The following NPC1 variants were observed in gnomAD, a reference collection of about 807,000 sequenced individuals.
NPC1 encodes the protein NPC intracellular cholesterol transporter 1, also known as Niemann-Pick C1 protein.
In NPC1, 85 loss-of-function variants were observed where a neutral mutation model predicts 140.4. The observed-to-expected ratio is 0.61, with a 90% CI of 0.51 to 0.72. NPC1 has a LOEUF of 0.72. Among genes scored for constraint, NPC1 ranks in the 30% least tolerant of loss-of-function variants. The pLI is 0.00. For missense variants in NPC1, 1,504 were observed against 1,623.8 expected, an observed-to-expected ratio of 0.93 and a Z score of 1.27; for synonymous variants, 656 against 624.8, an observed-to-expected ratio of 1.05 and a Z score of -0.74.
chr18:23,530,258 C>G, downstream of NPC1: 2 of 1,614,218 alleles, frequency 1.2e-6, no homozygotes, highest in Non-Finnish European at 1.7e-6. Flanking sequence ...TAGAGAGTTT[C>G]TATCCTCCTG....
chr18:23,540,999 G>T, intron 16 of NPC1, 69 bp downstream of exon 16: 1 of 1,553,330 alleles, frequency 6.4e-7, no homozygotes, highest in Non-Finnish European at 8.9e-7. Flanking sequence ...AGGCTGTCTG[G>T]CTTCTTAGAA....
At chr18:23,586,159 C>T (rs1005415260) in intron 1 of NPC1, 128 bp downstream of exon 1, 2 of 975,836 alleles carry the variant, frequency 2.0e-6, no homozygotes, top group Non-Finnish European at 3.0e-6. Flanking sequence ...GAGGAACCTC[C>T]GAGCTCTCCA....
chr18:23,566,418 C>T (rs2059124346), intron 4 of NPC1, among the ~76,000 whole-genome samples: 1 of 151,932 alleles, frequency 6.6e-6, no homozygotes, highest in Admixed American at 6.6e-5. Context: ...GAACAACTGG[C>T]TATGGCATAA....
chr18:23,522,515 G>A (rs931330017), exon 2 of NPC1: 4 of 152,192 alleles, frequency 2.6e-5, no homozygotes, highest in African/African-American at 9.7e-5. Context: ...TATTGTTAGT[G>A]TTAGTGTATT....
At chr18:23,526,607 C>T (rs1265004175), downstream of NPC1, 1 of 1,610,576 alleles carries the variant, frequency 6.2e-7, no homozygotes, top group Non-Finnish European at 8.5e-7. Flanking sequence ...TTGCATCATA[C>T]TGTTTTATTT....
downstream of NPC1, among the ~76,000 whole-genome samples, chr18:23,527,563 G>C (rs1040796403): frequency 1.4e-5 from 2 of 143,830 alleles, no homozygotes; most frequent in Admixed American, 1.4e-4. Context: ...TTATAGGCAT[G>C]TGCCACTGAG....
At chr18:23,522,079 A>G (rs1046877406), downstream of NPC1, among the ~76,000 whole-genome samples, 19 of 152,250 alleles carry the variant, frequency 1.2e-4, no homozygotes, top group African/African-American at 4.3e-4. Context: ...TCAGAATCGC[A>G]CTCTGGCTGA....
chr18:23,567,908 T>G (rs978578651), intron 4 of NPC1, among the ~76,000 whole-genome samples: 1 of 152,236 alleles, frequency 6.6e-6, no homozygotes, highest in Non-Finnish European at 1.5e-5. Flanking sequence ...GGTAGTTTAC[T>G]GTTCAAATTT....
In NPC1 at chr18:23,539,915, G is replaced by A. The variant is rs751259112; in HGVS notation, c.2691C>T (p.His897=). The A allele has an allele frequency of 1.4e-5, 23 of 1,614,106 alleles. No individual in the cohort carries two copies. Among genetic ancestry groups the A allele is most frequent in the Non-Finnish European group, 1.7e-5 (20 of 1,179,996 alleles). Residue 897 remains histidine (H), a synonymous_variant, in exon 18 of 25, where the codon CAC becomes CAT. Transcript: ENST00000269228. ...TCTGCCCCTTGGAAGAAGTGTAGTC[G>A]TGCCCTTCCTCCAGGACAAAGTACA... ...PPVYFVLEEG[H]DYTSSKGQNM... is the part of the protein sequence containing the mutation.
chr18:23,521,446 G>A (rs2058138547), downstream of NPC1, among the ~76,000 whole-genome samples: 2 of 152,224 alleles, frequency 1.3e-5, no homozygotes, highest in Non-Finnish European at 2.9e-5. Context: ...CTCACATTCC[G>A]TGTGACAGTG....
At chr18:23,564,354 T>C (rs2059090907) in intron 4 of NPC1, among the ~76,000 whole-genome samples, 1 of 152,054 alleles carries the variant, frequency 6.6e-6, no homozygotes, top group Non-Finnish European at 1.5e-5. Context: ...TTCTTGTCCT[T>C]TTTTTTGAGA....
Position 23,535,662 on chromosome 18 carries a change from A to C in NPC1, c.3284T>G (p.Ile1095Ser). 1 of 1,614,178 alleles carries C rather than the reference A, an allele frequency of 6.2e-7. No individual in the cohort carries two copies. Among genetic ancestry groups the C allele is most frequent in the Non-Finnish European group, 8.5e-7 (1 of 1,180,006 alleles). The change falls in exon 22 of 25, where the codon ATT (isoleucine) becomes AGT (serine). Residue 1095 changes from isoleucine (I) to serine (S), a missense_variant. Ile to Ser is a moderately radical substitution (Grantham distance 142). Transcript: ENST00000269228. The stretch of plus-strand genomic sequence containing the variant: ...ACCGAGGTTGAAGATAGTGTCGTCA[A>C]TGATGGTCAGGTACTGTTCGTAGAA... ...YVFYEQYLTI[I>S]DDTIFNLGVS...
chr18:23,529,565 GAT>G (rs2058421743), downstream of NPC1: 1 of 1,404,154 alleles, frequency 7.1e-7, no homozygotes, highest in Non-Finnish European at 1.0e-6. Flanking sequence ...GTGGGGGTTG[GAT>G]AGAGAGTTAT....
At chr18:23,508,084 T>G in intron 3 of NPC1, 1 of 1,569,868 alleles carries the variant, frequency 6.4e-7, no homozygotes, top group Non-Finnish European at 8.7e-7. Flanking sequence ...GTCAGTGGTG[T>G]TGAGCTGGGT....
intron 1 of NPC1, among the ~76,000 whole-genome samples, chr18:23,582,401 G>C (rs972693375): frequency 3.3e-5 from 5 of 152,214 alleles, no homozygotes; most frequent in Admixed American, 1.3e-4. Context: ...GGCCGCAGCT[G>C]ATCACTGCCA....
Position 23,534,475 on chromosome 18 carries a change from C to A in NPC1, c.3562G>T (p.Glu1188Ter), listed in dbSNP as rs776701050. ...CTGCCCATGTGGGCAAGTGCCTCTT[C>A]CGCGCGCTCCACGCGGCTGCCTTTC... is the stretch of plus-strand genomic sequence containing the variant. The part of the protein sequence containing the change: ...SMKGSRVERA[E>*]EALAHMGSSV... Residue 1188 changes from glutamate (E) to a stop codon, truncating the protein, a stop_gained, in exon 23 of 25, where the codon GAA becomes TAA. Coordinates refer to ENST00000269228, the MANE Select transcript of NPC1 (RefSeq NM_000271.5). LOFTEE classifies it high-confidence loss of function. 5 of 1,613,896 alleles carry A rather than the reference C, an allele frequency of 3.1e-6. No homozygotes were observed. Among genetic ancestry groups the A allele is most frequent in the Non-Finnish European group, 4.2e-6 (5 of 1,180,006 alleles).
chr18:23,527,443 GTGTT>G (rs1440696918), downstream of NPC1, among the ~76,000 whole-genome samples: 6 of 151,908 alleles, frequency 3.9e-5, no homozygotes, highest in East Asian at 1.9e-4. Context: ...TGTGCTGTTG[GTGTT>G]TGTTTTTGTT....
At chr18:23,529,681 G>A (rs1244502690), downstream of NPC1, 5 of 1,613,908 alleles carry the variant, frequency 3.1e-6, no homozygotes, top group Non-Finnish European at 4.2e-6. Context: ...GAATACATTC[G>A]TTCTCTTAAC....
Position 23,572,178 on chromosome 18 carries a change from T to A in NPC1, c.183A>T (p.Glu61Asp), listed in dbSNP as rs2059213832. ...TGCCAAAGAAGAATCCTGGACAGAG[T>A]TCCTTTCAGGTGAAAGAGCACAGAC... is the stretch of plus-strand genomic sequence containing the variant. ...LPKDGYDLVQ[E>D]LCPGFFFGNV... The change falls in exon 3 of 25, where the codon GAA (glutamate) becomes GAT (aspartate). Residue 61 changes from glutamate to aspartate, a missense_variant and splice_region_variant. Glu to Asp is a conservative substitution (Grantham distance 45). Coordinates refer to ENST00000269228, the MANE Select transcript of NPC1 (RefSeq NM_000271.5). 6.2e-7 allele frequency: 1 copy of A among 1,611,606 alleles called. No individual in the cohort carries two copies. Among genetic ancestry groups the A allele is most frequent in the Admixed American group, 1.7e-5 (1 of 59,976 alleles).
Sources: gnomAD v4.1 joint callset for allele counts (sites outside exome capture counted in the v4.1 genomes callset) on GRCh38, gnomAD v4.1.1 for gene constraint, MANE v1.5 for transcripts, NCBI Gene and HGNC (gene_info 2026-07-23, HGNC 2026-07-21) for gene names.